The following MPDZ variants were observed in gnomAD, a reference collection of about 807,000 sequenced individuals.
MPDZ encodes multiple PDZ domain protein.
In MPDZ, 234 loss-of-function variants were observed where a neutral mutation model predicts 239.1. The observed-to-expected ratio is 0.98, with a 90% CI of 0.88 to 1.09. The LOEUF (loss-of-function observed/expected upper bound fraction) is 1.09. MPDZ is among the 50% of genes least tolerant of loss of function. The pLI, the probability that MPDZ is intolerant of heterozygous loss-of-function variation, is 0.00. For synonymous variants in MPDZ, 1,048 were observed against 881.3 expected (o/e 1.19, Z -3.35); for missense variants, 3,175 against 2,510.0 (o/e 1.26, Z -5.66).
chr9:13,135,949 T>C lies in MPDZ; in HGVS notation c.4383+143A>G, dbSNP rs1946675350. 8 of 557,916 alleles carry C rather than the reference T, an allele frequency of 1.4e-5. No homozygotes were observed. In the East Asian group the frequency reaches 2.4e-4, roughly 16 times the overall value. The allele number at this position is 557,916 out of a possible 1,614,324, so 34.6% of individuals were successfully genotyped here. On this transcript the variant is annotated intron_variant, in intron 31 of 46. Coordinates refer to ENST00000319217, the MANE Select transcript of MPDZ (RefSeq NM_001378778.1). ...TATTTCCATGAGTGTCTTCTTATAC[T>C]AGGATGTACACTCCTTGAAGGCCAA...
rs1266148164 is a variant in MPDZ at position 13,218,102 on chromosome 9, G to C, written c.1087-808C>G. 4.0e-5 allele frequency among the ~76,000 whole-genome samples: 6 copies of C among 151,856 alleles called. No individual in the cohort carries two copies. The East Asian group carries it at 1.2e-3, about 29-fold the overall frequency. On this transcript the variant is annotated intron_variant, in intron 8 of 46. Transcript: ENST00000319217. ...TAGATTCTAATGGACAGTCAGGTTG[G>C]GGCTAGCTGATGTTTTCTAATTTCT...
In MPDZ at chr9:13,160,869, T is replaced by TATATATGTATAA; in HGVS notation, c.3359+1821_3359+1822insTTATACATATAT. 1.6e-5 allele frequency among the ~76,000 whole-genome samples: 2 copies of TATATATGTATAA among 127,794 alleles called. 1 individual carries two copies. The highest frequency in any genetic ancestry group is 5.2e-4 in the South Asian group (2 of 3,814). The allele number at this position is 127,794 out of a possible 152,430, so 83.8% of individuals were successfully genotyped here. A position where few individuals can be genotyped will look rare whatever the true frequency, so the allele number is the denominator to read the frequency against. On this transcript the variant is annotated intron_variant, in intron 23 of 46. Coordinates refer to ENST00000319217, the MANE Select transcript of MPDZ (RefSeq NM_001378778.1). Reference sequence around the variant, plus strand: ...ATATATATATATATATATATATATATAAAACAGGTACTTACATAGCTTTTA... The same window carrying TATATATGTATAA: ...ATATATATATATATATATATATATATATATATGTATAAAAAACAGGTACTTACATAGCTTTTA...
chr9:13,213,744 A>C (rs1957936556), intron 10 of MPDZ, among the ~76,000 whole-genome samples: 1 of 152,040 alleles, frequency 6.6e-6, no homozygotes, highest in African/African-American at 2.4e-5. Flanking sequence ...TTGCATCAAC[A>C]ATTTCCTTCA....
In MPDZ at chr9:13,279,645, A is replaced by T. The variant is rs1158733840; in HGVS notation, c.-303T>A. 6.7e-6 allele frequency: 1 copy of T among 150,054 alleles called. No homozygotes were observed. The highest frequency in any genetic ancestry group is 2.0e-4 in the East Asian group (1 of 5,100). The allele number at this position is 150,054 out of a possible 1,614,324, so 9.3% of individuals were successfully genotyped here. A position where few individuals can be genotyped will look rare whatever the true frequency, so the allele number is the denominator to read the frequency against. On this transcript the variant is annotated 5_prime_UTR_variant, in exon 1 of 47. Transcript: ENST00000319217. ...CGCCCCCTCCCCCAGCGCGCGCCGC[A>T]CTTGCGCCGACCGGGGCTGCCGCGG...
rs375023381 is a variant in MPDZ, at chr9:13,158,062, G to A, written c.3408C>T (p.Ser1136=). ...PEREEGEGEE[S]ELQNTAYSNW... ...TGCTATATGCTGTGTTTTGAAGTTCGCTTTCTTCACCCTCTCCCTCTTCTC... is the reference window on the plus strand; with the variant it reads ...TGCTATATGCTGTGTTTTGAAGTTCACTTTCTTCACCCTCTCCCTCTTCTC... Residue 1136 remains serine (S), a synonymous_variant, in exon 24 of 47, where the codon AGC becomes AGT. Transcript: ENST00000319217. 5.4e-5 allele frequency: 87 copies of A among 1,612,718 alleles called. No individual in the cohort carries two copies. Among genetic ancestry groups the A allele is most frequent in the South Asian group, 6.6e-5 (6 of 91,022 alleles).
intron 40 of MPDZ, among the ~76,000 whole-genome samples, chr9:13,115,023 T>C (rs1482935859): frequency 1.3e-5 from 2 of 152,214 alleles, no homozygotes; most frequent in Non-Finnish European, 2.9e-5. Flanking sequence ...AAAAGAATGC[T>C]TGAAATCAAT....
intron 28 of MPDZ, among the ~76,000 whole-genome samples, chr9:13,138,585 C>T (rs1479572127): frequency 1.3e-5 from 2 of 152,194 alleles, no homozygotes; most frequent in African/African-American, 4.8e-5. Flanking sequence ...TCATGTTGGG[C>T]AGTTGCTTGA....
At chr9:13,194,762 T>C (rs764731289) in intron 13 of MPDZ, among the ~76,000 whole-genome samples, 3 of 152,044 alleles carry the variant, frequency 2.0e-5, no homozygotes, top group Admixed American at 6.6e-5. Context: ...ACAAAATGGC[T>C]AGTCAAAGGG....
intron 1 of MPDZ, among the ~76,000 whole-genome samples, chr9:13,266,694 A>C (rs1971868759): frequency 6.6e-6 from 1 of 152,232 alleles, no homozygotes; most frequent in Non-Finnish European, 1.5e-5. Flanking sequence ...TCCCTAACTC[A>C]GACCTTTTAT....
chr9:13,177,970 A>G (rs1019372299), intron 19 of MPDZ, among the ~76,000 whole-genome samples: 1 of 152,146 alleles, frequency 6.6e-6, no homozygotes, highest in Non-Finnish European at 1.5e-5. Flanking sequence ...TGATATGCAC[A>G]CTTAAAATGC....
rs1941946773 is a variant in MPDZ at position 13,108,942 on chromosome 9, A to G, written c.6060T>C (p.Phe2020=). 1 of 1,610,746 alleles carries G rather than the reference A, an allele frequency of 6.2e-7. No homozygotes were observed. The highest frequency in any genetic ancestry group is 1.7e-5 in the Admixed American group (1 of 59,772). Residue 2020 remains phenylalanine (F), a synonymous_variant, in exon 46 of 47, where the codon TTT becomes TTC. Transcript: ENST00000319217. ...TTAAAATTTGCAAGCTTACCTTTGC[A>G]AACACTGTTTTAACATAAATGGGTA... ...GDLPIYVKTV[F]AKGAASEDGR...
intron 1 of MPDZ, among the ~76,000 whole-genome samples, chr9:13,261,708 C>CT (rs1970724733): frequency 1.3e-5 from 2 of 151,856 alleles, no homozygotes; most frequent in African/African-American, 4.8e-5. Context: ...CATAAGCTGC[C>CT]ACCAAATAAA....
chr9:13,180,148 CA>C (rs920441065), intron 19 of MPDZ, among the ~76,000 whole-genome samples: 6 of 147,968 alleles, frequency 4.1e-5, no homozygotes, highest in African/African-American at 1.5e-4. Flanking sequence ...ACCCCATCTG[CA>C]AAAAAAAATA....
intron 19 of MPDZ, among the ~76,000 whole-genome samples, chr9:13,178,027 A>C (rs549838053): frequency 1.2e-4 from 18 of 152,222 alleles, no homozygotes; most frequent in African/African-American, 4.3e-4. Flanking sequence ...GATGGTCTTC[A>C]TCTCCTGACC....
chr9:13,267,004 T>C (rs900050863), intron 1 of MPDZ, among the ~76,000 whole-genome samples: 26 of 152,136 alleles, frequency 1.7e-4, no homozygotes, highest in African/African-American at 6.0e-4. Flanking sequence ...CACCAAATAC[T>C]CCAAGAGGCA....
intron 7 of MPDZ, among the ~76,000 whole-genome samples, chr9:13,220,623 T>C (rs978405421): frequency 7.2e-5 from 11 of 151,932 alleles, no homozygotes; most frequent in African/African-American, 2.4e-4. Flanking sequence ...TACTATTATA[T>C]TACCGTTAAC....
chr9:13,236,402 C>T (rs1254163549), intron 3 of MPDZ, among the ~76,000 whole-genome samples: 1 of 148,986 alleles, frequency 6.7e-6, no homozygotes, highest in Non-Finnish European at 1.5e-5. Flanking sequence ...CTCAGCCTAC[C>T]AAGTAGCTGA....
intron 10 of MPDZ, among the ~76,000 whole-genome samples, chr9:13,209,980 A>C (rs1957427673): frequency 6.6e-6 from 1 of 151,782 alleles, no homozygotes; most frequent in Non-Finnish European, 1.5e-5. Flanking sequence ...ATGAGGGGGA[A>C]AAAAATCAAA....
At chr9:13,176,485 T>C (rs1465504961) in intron 19 of MPDZ, 68 bp from the exon 20 acceptor site, 18 of 1,226,166 alleles carry the variant, frequency 1.5e-5, no homozygotes, top group Non-Finnish European at 1.8e-5. Context: ...ATATATAACA[T>C]CACTTCTTAA....
Sources: allele counts gnomAD v4.1 joint callset (sites outside exome capture counted in the v4.1 genomes callset), GRCh38; gene constraint gnomAD v4.1.1; transcripts MANE v1.5; gene names NCBI Gene and HGNC (gene_info 2026-07-23, HGNC 2026-07-21).